Variants in DTNA observed in about 807,000 individuals in gnomAD.
DTNA encodes the protein dystrophin-related protein 3.
In DTNA, 43 loss-of-function variants were observed where a neutral mutation model predicts 100.7. The ratio of observed to expected loss-of-function variants is 0.43; its 90% CI spans 0.33 to 0.55. The LOEUF (loss-of-function observed/expected upper bound fraction) is 0.55, where lower values mean the gene tolerates loss of function less well. Among genes scored for constraint, DTNA ranks in the 20% least tolerant of loss-of-function variants. The probability of loss-of-function intolerance (pLI) is 0.04; values close to 1 mark genes in which losing one functional copy is unlikely to be tolerated. For missense variants in DTNA, 798 were observed against 953.9 expected (o/e 0.84, Z 2.15); for synonymous variants, 349 against 347.9 (o/e 1.00, Z -0.04).
intron 19 of DTNA, among the ~76,000 whole-genome samples, chr18:34,878,941 A>G (rs763444882): frequency 1.3e-5 from 2 of 152,222 alleles, no homozygotes; most frequent in Non-Finnish European, 1.5e-5. Context: ...AAGCCTCTCA[A>G]TTGAAAATTG....
intron 1 of DTNA, among the ~76,000 whole-genome samples, chr18:34,703,377 T>C (rs761426359): frequency 2.4e-4 from 37 of 152,216 alleles, no homozygotes; most frequent in Non-Finnish European, 4.1e-4. Context: ...AAAAACGTAC[T>C]ATGGTAGCTT....
At chr18:34,647,837 C>G (rs1176165655) in intron 1 of DTNA, among the ~76,000 whole-genome samples, 1 of 152,310 alleles carries the variant, frequency 6.6e-6, no homozygotes, top group South Asian at 2.1e-4. Context: ...CTGGCACTTA[C>G]AACAGTGCTT....
chr18:34,843,582 T>A (rs769597265), intron 13 of DTNA, among the ~76,000 whole-genome samples: 5 of 152,140 alleles, frequency 3.3e-5, no homozygotes, highest in Admixed American at 2.6e-4. Flanking sequence ...CTTTTTTCTC[T>A]ACCCTAGTGT....
Position 34,617,458 on chromosome 18 carries a change from A to G in DTNA, c.-2+123944A>G, listed in dbSNP as rs190432832. 4.2e-3 allele frequency among the ~76,000 whole-genome samples: 640 copies of G among 152,290 alleles called. 5 individuals are homozygous for G. Among genetic ancestry groups the G allele is most frequent in the Non-Finnish European group, 6.9e-3 (472 of 68,022 alleles). ...TCTGGGTATGTTGAACCAATCTTGC[A>G]TCTCAGAGATAAAACCTACTTGATT... On this transcript the variant is annotated intron_variant, in intron 1 of 19. Coordinates refer to the DTNA transcript ENST00000283365.
At chr18:34,747,964 C>A (rs1023059506) in intron 1 of DTNA, among the ~76,000 whole-genome samples, 15 of 152,242 alleles carry the variant, frequency 9.9e-5, no homozygotes, top group Middle Eastern at 3.4e-3. Context: ...CCCATCCACA[C>A]CAATGTCTAT....
chr18:34,669,244 G>T (rs924088030), intron 1 of DTNA, among the ~76,000 whole-genome samples: 1 of 152,056 alleles, frequency 6.6e-6, no homozygotes, highest in East Asian at 1.9e-4. Flanking sequence ...GACTAGGATT[G>T]CAACCCCTGC....
At chr18:34,766,599 C>T (rs546817880) in intron 3 of DTNA, among the ~76,000 whole-genome samples, 9 of 152,130 alleles carry the variant, frequency 5.9e-5, no homozygotes, top group Admixed American at 3.9e-4. Flanking sequence ...GTGCAGCACA[C>T]CAACATGGCA....
At chr18:34,881,773 A>T (rs2096875964) in intron 20 of DTNA, among the ~76,000 whole-genome samples, 2 of 152,200 alleles carry the variant, frequency 1.3e-5, no homozygotes, top group South Asian at 4.1e-4. Context: ...GCCATTTTTT[A>T]AATTATAGAA....
intron 1 of DTNA, among the ~76,000 whole-genome samples, chr18:34,587,211 T>C (rs1278965440): frequency 6.6e-6 from 1 of 152,070 alleles, no homozygotes; most frequent in Non-Finnish European, 1.5e-5. Flanking sequence ...TTTATTTCTT[T>C]TATACTGGAG....
At chr18:34,715,853 T>C (rs2083939059) in intron 1 of DTNA, among the ~76,000 whole-genome samples, 1 of 152,152 alleles carries the variant, frequency 6.6e-6, no homozygotes, top group Non-Finnish European at 1.5e-5. Context: ...GTCTCATAAA[T>C]CTGTAAGAAA....
intron 22 of DTNA, among the ~76,000 whole-genome samples, chr18:34,885,380 A>G (rs2096912308): frequency 6.6e-6 from 1 of 152,194 alleles, no homozygotes; most frequent in Non-Finnish European, 1.5e-5. Flanking sequence ...GGCATGTGAA[A>G]CCACTCCAAA....
Position 34,888,809 on chromosome 18 carries a change from C to G in DTNA, c.*1075C>G. The G allele has an allele frequency of 1.0e-6, 1 of 985,856 alleles. No individual in the cohort carries two copies. The highest frequency in any genetic ancestry group is 1.2e-6 in the Non-Finnish European group (1 of 829,950). 61.1% of individuals were successfully genotyped at this position (985,856 alleles called of 1,614,324 possible). On this transcript the variant is annotated 3_prime_UTR_variant, in exon 23 of 23. Transcript: ENST00000444659. ...TTCCCCCATCAAGTTGTTTGGAGGCCTTCAGCTTTAAATGTACAGGCTTAA... is the reference window on the plus strand; with the variant it reads ...TTCCCCCATCAAGTTGTTTGGAGGCGTTCAGCTTTAAATGTACAGGCTTAA...
At chr18:34,665,568 C>A (rs1410845261) in intron 1 of DTNA, among the ~76,000 whole-genome samples, 1 of 152,138 alleles carries the variant, frequency 6.6e-6, no homozygotes, top group Admixed American at 6.5e-5. Context: ...TGCTATCCCT[C>A]CCCACTCCCT....
At chr18:34,836,820 A>G (rs2096159429) in intron 11 of DTNA, among the ~76,000 whole-genome samples, 1 of 152,150 alleles carries the variant, frequency 6.6e-6, no homozygotes, top group Non-Finnish European at 1.5e-5. Context: ...ATCAAATTTA[A>G]TATTAAATTT....
At chr18:34,657,900 T>C (rs2074621943) in intron 1 of DTNA, among the ~76,000 whole-genome samples, 1 of 152,232 alleles carries the variant, frequency 6.6e-6, no homozygotes, top group African/African-American at 2.4e-5. Context: ...TGGACAATCA[T>C]TCAGGAAGTC....
intron 1 of DTNA, among the ~76,000 whole-genome samples, chr18:34,658,650 G>T (rs1294426050): frequency 6.6e-6 from 1 of 152,158 alleles, no homozygotes; most frequent in Non-Finnish European, 1.5e-5. Context: ...ACTGAATGTG[G>T]CCTTTATCAA....
chr18:34,706,841 C>T (rs968666317), upstream of DTNA, among the ~76,000 whole-genome samples: 7 of 152,022 alleles, frequency 4.6e-5, no homozygotes, highest in Non-Finnish European at 5.9e-5. Flanking sequence ...GATACTAATC[C>T]GATTAATATT....
chr18:34,701,553 A>G (rs1490731828), intron 1 of DTNA, among the ~76,000 whole-genome samples: 1 of 152,070 alleles, frequency 6.6e-6, no homozygotes, highest in Non-Finnish European at 1.5e-5. Context: ...CAACTTCCAC[A>G]TGTGTATCTG....
At position 34,531,663 on chromosome 18, in the gene DTNA, G is replaced by C. The variant is rs147829052; in HGVS notation, c.-2+38149G>C. Among the ~76,000 whole-genome samples the C allele has an allele frequency of 3.5e-4, 54 of 152,214 alleles. 1 individual carries two copies. In the East Asian group the frequency reaches 4.5e-3, roughly 13 times the overall value. On this transcript the variant is annotated intron_variant, in intron 1 of 19. Coordinates refer to the DTNA transcript ENST00000283365. Reference sequence around the variant, plus strand: ...GTAGACAGAAAGCACAAGGCAGTGTGAACACCACAGTTAGTTTCTGTCCAG... The same window carrying C: ...GTAGACAGAAAGCACAAGGCAGTGTCAACACCACAGTTAGTTTCTGTCCAG...
Sources: allele counts gnomAD v4.1 joint callset (sites outside exome capture counted in the v4.1 genomes callset), GRCh38; gene constraint gnomAD v4.1.1; transcripts MANE v1.5; gene names NCBI Gene and HGNC (gene_info 2026-07-23, HGNC 2026-07-21).